The following EPB41L3 variants were observed in gnomAD, a reference collection of about 807,000 sequenced individuals.
EPB41L3 encodes erythrocyte membrane protein band 4.1 like 3, also known as band 4.1-like protein 3.
A neutral mutation model predicts 127.1 loss-of-function variants in EPB41L3; 57 were observed. The observed-to-expected ratio is 0.45, with a 90% CI of 0.36 to 0.56. The LOEUF is 0.56. Among genes scored for constraint, EPB41L3 ranks in the 20% least tolerant of loss-of-function variants. EPB41L3 has a pLI of 0.00. For missense variants in EPB41L3, 1,273 were observed against 1,372.2 expected, an observed-to-expected ratio of 0.93 and a Z score of 1.14; for synonymous variants, 572 against 549.5, an observed-to-expected ratio of 1.04 and a Z score of -0.57.
At chr18:5,471,416 G>A (rs1274038335) in intron 3 of EPB41L3, among the ~76,000 whole-genome samples, 1 of 152,130 alleles carries the variant, frequency 6.6e-6, no homozygotes, top group East Asian at 1.9e-4. Flanking sequence ...TCATGCTAGG[G>A]AAGATTCTGA....
chr18:5,484,683 G>A (rs2089408892), intron 2 of EPB41L3, among the ~76,000 whole-genome samples: 1 of 150,984 alleles, frequency 6.6e-6, no homozygotes, highest in Admixed American at 6.6e-5. Flanking sequence ...GAAATATGAA[G>A]ACTCATTAGC....
At chr18:5,611,355 A>T (rs2094723378) in intron 3 of EPB41L3, among the ~76,000 whole-genome samples, 1 of 152,208 alleles carries the variant, frequency 6.6e-6, no homozygotes, top group South Asian at 2.1e-4. Flanking sequence ...GAATGGATGA[A>T]GCTTGAAGAC....
intron 1 of EPB41L3, among the ~76,000 whole-genome samples, chr18:5,519,934 C>T (rs1256616346): frequency 6.6e-6 from 1 of 152,168 alleles, no homozygotes; most frequent in Admixed American, 6.5e-5. Context: ...TAGGACAACT[C>T]AAACCTAAAA....
intron 3 of EPB41L3, among the ~76,000 whole-genome samples, chr18:5,598,074 C>A (rs1030659886): frequency 7.2e-5 from 11 of 152,268 alleles, no homozygotes; most frequent in South Asian, 4.1e-4. Flanking sequence ...GAAAGTAGGC[C>A]TCATCTTACT....
chr18:5,497,691 T>TTCTA (rs752345248), intron 1 of EPB41L3, among the ~76,000 whole-genome samples: 1 of 152,222 alleles, frequency 6.6e-6, no homozygotes, highest in Admixed American at 6.5e-5. Flanking sequence ...TCATCAGCAA[T>TTCTA]ACTTCTAAAA....
At chr18:5,587,166 A>C (rs968608156) in intron 3 of EPB41L3, among the ~76,000 whole-genome samples, 1 of 152,164 alleles carries the variant, frequency 6.6e-6, no homozygotes, top group Non-Finnish European at 1.5e-5. Context: ...TGGAAATAGG[A>C]ATATTCAGGA....
At chr18:5,583,359 T>G (rs990677684) in intron 3 of EPB41L3, among the ~76,000 whole-genome samples, 1 of 152,208 alleles carries the variant, frequency 6.6e-6, no homozygotes, top group Non-Finnish European at 1.5e-5. Flanking sequence ...CATGTCTACC[T>G]AATTCAAGAG....
chr18:5,422,776 C>T (rs1410062515), intron 11 of EPB41L3, among the ~76,000 whole-genome samples: 1 of 152,178 alleles, frequency 6.6e-6, no homozygotes, highest in Non-Finnish European at 1.5e-5. Flanking sequence ...ATCATCTCTC[C>T]ATTTGACTAA....
At chr18:5,396,425 G>A in intron 18 of EPB41L3, 93 bp from the exon 19 acceptor site, 1 of 1,437,840 alleles carries the variant, frequency 7.0e-7, no homozygotes, top group Admixed American at 1.9e-5. Context: ...ATAAGCACAG[G>A]TTAGTATGCT....
chr18:5,454,181 G>T (rs191005575), intron 3 of EPB41L3, among the ~76,000 whole-genome samples: 4 of 150,510 alleles, frequency 2.7e-5, no homozygotes, highest in Non-Finnish European at 5.9e-5. Flanking sequence ...AAATTTAAGC[G>T]GAGAGTGTGT....
intron 1 of EPB41L3, among the ~76,000 whole-genome samples, chr18:5,517,484 T>C (rs991158404): frequency 1.3e-5 from 2 of 152,158 alleles, no homozygotes; most frequent in Non-Finnish European, 2.9e-5. Flanking sequence ...TTACCCAGGC[T>C]GGAATGCAGT....
chr18:5,448,182 C>G (rs1444277051), intron 3 of EPB41L3, among the ~76,000 whole-genome samples: 1 of 152,162 alleles, frequency 6.6e-6, no homozygotes, highest in Non-Finnish European at 1.5e-5. Flanking sequence ...TTGCAAACCA[C>G]TAATGGATTG....
chr18:5,554,409 T>TTTATA (rs2094005872), intron 3 of EPB41L3, among the ~76,000 whole-genome samples: 1 of 152,152 alleles, frequency 6.6e-6, no homozygotes, highest in Admixed American at 6.5e-5. Context: ...AGTATAAAAT[T>TTTATA]GAAGAATTAG....
chr18:5,416,852 A>G (rs896320914), intron 12 of EPB41L3, among the ~76,000 whole-genome samples: 1 of 143,868 alleles, frequency 7.0e-6, no homozygotes, highest in Non-Finnish European at 1.5e-5. Context: ...GATTTTGATT[A>G]AAAAAAAAAA....
intron 3 of EPB41L3, among the ~76,000 whole-genome samples, chr18:5,551,919 A>T (rs1471210532): frequency 2.0e-5 from 3 of 152,194 alleles, no homozygotes; most frequent in Non-Finnish European, 4.4e-5. Flanking sequence ...AGTGGGACCC[A>T]GGCAGCAGTA....
Position 5,558,461 on chromosome 18 carries a change from CAGAT to C in EPB41L3, c.-306+53875_-306+53878del, listed in dbSNP as rs532814473. Among the ~76,000 whole-genome samples, 9 of 152,228 alleles carry C rather than the reference CAGAT, an allele frequency of 5.9e-5. No homozygotes were observed. In the South Asian group the frequency reaches 1.9e-3, roughly 32 times the overall value. ...CTAACAAACACTTGGAAATGGGTGA[CAGAT>C]AGGGACATTGGTATCCAGACACCAT... On this transcript the variant is annotated intron_variant, in intron 3 of 21. Coordinates refer to the EPB41L3 transcript ENST00000545076.
chr18:5,544,007 G>A, upstream of EPB41L3: 2 of 985,562 alleles, frequency 2.0e-6, no homozygotes, highest in Non-Finnish European at 2.4e-6. Context: ...CGGGCGTGGG[G>A]AGGAAGCCGC....
upstream of EPB41L3, among the ~76,000 whole-genome samples, chr18:5,629,415 CCACACACACACACACACACA>C (rs61034629): frequency 4.2e-5 from 6 of 143,754 alleles, no homozygotes; most frequent in East Asian, 4.3e-4. Context: ...TCCTTACACA[CCACACACACACACACACACA>C]CACACACACA....
chr18:5,407,565 A>G, intron 15 of EPB41L3, 136 bp downstream of exon 15: 1 of 826,930 alleles, frequency 1.2e-6, no homozygotes, highest in South Asian at 1.8e-5. Context: ...ACAAATGCCA[A>G]CCTACACACT....
Sources: gnomAD v4.1 joint callset for allele counts (sites outside exome capture counted in the v4.1 genomes callset) on GRCh38, gnomAD v4.1.1 for gene constraint, MANE v1.5 for transcripts, NCBI Gene and HGNC (gene_info 2026-07-23, HGNC 2026-07-21) for gene names.